The following SYT1 variants were observed in gnomAD, a reference collection of about 807,000 sequenced individuals.
SYT1 encodes synaptotagmin 1, also known as synaptotagmin-1.
A neutral mutation model predicts 44.8 loss-of-function variants in SYT1; 8 were observed. The ratio of observed to expected loss-of-function variants is 0.18; its 90% CI spans 0.10 to 0.32. The LOEUF is 0.32. Among genes scored for constraint, SYT1 ranks in the 10% least tolerant of loss-of-function variants. SYT1 has a pLI of 1.00. For synonymous variants in SYT1, 154 were observed against 188.8 expected, an observed-to-expected ratio of 0.82 and a Z score of 1.51; for missense variants, 286 against 509.3, an observed-to-expected ratio of 0.56 and a Z score of 4.22.
intron 9 of SYT1, among the ~76,000 whole-genome samples, chr12:79,401,954 C>T (rs1264892694): frequency 1.3e-5 from 2 of 152,114 alleles, no homozygotes; most frequent in Non-Finnish European, 2.9e-5. Flanking sequence ...GAGGCATAAG[C>T]CACCAAAACT....
chr12:78,875,983 C>T lies in SYT1; in HGVS notation c.-217+10874C>T, dbSNP rs550452555. 4.6e-5 allele frequency among the ~76,000 whole-genome samples: 7 copies of T among 151,702 alleles called. No individual in the cohort carries two copies. In the East Asian group the frequency reaches 9.7e-4, roughly 21 times the overall value. ...AGAAATTAAATACATGGCCTAACTC[C>T]AGTTTTATTGTTCCTATAAATTTAA... On this transcript the variant is annotated intron_variant, in intron 1 of 10. Coordinates refer to ENST00000261205, the MANE Select transcript of SYT1 (RefSeq NM_005639.3).
At chr12:79,134,237 A>C (rs1869038562) in intron 3 of SYT1, among the ~76,000 whole-genome samples, 1 of 152,234 alleles carries the variant, frequency 6.6e-6, no homozygotes, top group Non-Finnish European at 1.5e-5. Flanking sequence ...AAAAACTAAT[A>C]AATCATTTTC....
chr12:79,093,723 A>G (rs1478115387), intron 3 of SYT1, among the ~76,000 whole-genome samples: 1 of 151,724 alleles, frequency 6.6e-6, no homozygotes, highest in African/African-American at 2.4e-5. Flanking sequence ...CTTCAACAAC[A>G]AAAAATCCTT....
chr12:78,931,177 GAA>G (rs71976749), intron 1 of SYT1, among the ~76,000 whole-genome samples: 5,794 of 79,394 alleles, frequency 0.073, 452 homozygotes, highest in African/African-American at 0.15. Flanking sequence ...AAGAAAGAAA[GAA>G]AAAGAAAGAA....
intron 2 of SYT1, among the ~76,000 whole-genome samples, chr12:79,011,991 G>T (rs1871437942): frequency 6.6e-6 from 1 of 151,918 alleles, no homozygotes; most frequent in Non-Finnish European, 1.5e-5. Flanking sequence ...AATTGGATGG[G>T]CATGGTGGTG....
intron 8 of SYT1, among the ~76,000 whole-genome samples, chr12:79,329,314 C>T (rs1446777198): frequency 1.3e-5 from 2 of 152,160 alleles, no homozygotes; most frequent in African/African-American, 2.4e-5. Context: ...CTAAGAAAAA[C>T]CTGGTAAGAG....
At chr12:79,334,417 T>C (rs952396527) in intron 8 of SYT1, among the ~76,000 whole-genome samples, 11 of 152,178 alleles carry the variant, frequency 7.2e-5, no homozygotes, top group African/African-American at 2.6e-4. Flanking sequence ...GGGAAGGTGT[T>C]ACAGAAATGC....
Position 78,912,011 on chromosome 12 carries a change from C to T in SYT1, c.-217+46902C>T, listed in dbSNP as rs78184788. ...ACATAATTGATGACATCGTGTCTGA[C>T]TTCCAATATTCATGACTTCCCAGGT... On this transcript the variant is annotated intron_variant, in intron 1 of 10. Transcript: ENST00000261205. Among the ~76,000 whole-genome samples, 1,108 of 152,030 alleles carry T rather than the reference C, an allele frequency of 7.3e-3. 19 individuals are homozygous for T. Among genetic ancestry groups the T allele is most frequent in the African/African-American group, 0.025 (1,033 of 41,510 alleles).
chr12:78,991,597 T>C (rs1005781545), intron 2 of SYT1, among the ~76,000 whole-genome samples: 17 of 152,156 alleles, frequency 1.1e-4, no homozygotes, highest in African/African-American at 3.9e-4. Flanking sequence ...AAAAGAAGAA[T>C]AGAATTAAAG....
chr12:78,888,477 T>C (rs1403712933), intron 1 of SYT1, among the ~76,000 whole-genome samples: 1 of 151,988 alleles, frequency 6.6e-6, no homozygotes. Flanking sequence ...AAATTAATCA[T>C]CACCTAAATG....
intron 3 of SYT1, among the ~76,000 whole-genome samples, chr12:79,142,500 C>T (rs1050158127): frequency 6.6e-6 from 1 of 152,138 alleles, no homozygotes; most frequent in Non-Finnish European, 1.5e-5. Flanking sequence ...AAATCAACTT[C>T]CATGTGGACC....
At chr12:79,044,326 C>A (rs914212615) in intron 2 of SYT1, among the ~76,000 whole-genome samples, 1 of 152,138 alleles carries the variant, frequency 6.6e-6, no homozygotes, top group African/African-American at 2.4e-5. Flanking sequence ...TTGCTCATTT[C>A]TTTTTATTCT....
intron 4 of SYT1, among the ~76,000 whole-genome samples, chr12:79,224,272 T>C (rs965225766): frequency 2.0e-5 from 3 of 152,200 alleles, no homozygotes; most frequent in African/African-American, 7.2e-5. Flanking sequence ...AGAACAAATA[T>C]TTAGCACTCA....
intron 3 of SYT1, among the ~76,000 whole-genome samples, chr12:79,083,401 C>G (rs1877169560): frequency 6.6e-6 from 1 of 152,036 alleles, no homozygotes; most frequent in Non-Finnish European, 1.5e-5. Context: ...AGATGAATCC[C>G]CTAGAGTAGC....
chr12:79,003,190 A>G (rs1412542740), intron 2 of SYT1, among the ~76,000 whole-genome samples: 1 of 152,034 alleles, frequency 6.6e-6, no homozygotes, highest in East Asian at 1.9e-4. Flanking sequence ...TTCCCCTTAA[A>G]AATTGTAGTG....
At chr12:79,263,932 T>C (rs903325636) in intron 4 of SYT1, among the ~76,000 whole-genome samples, 1 of 152,054 alleles carries the variant, frequency 6.6e-6, no homozygotes, top group Non-Finnish European at 1.5e-5. Context: ...ATTTGAATTA[T>C]GTACACAGTA....
Position 79,353,827 on chromosome 12 carries a change from A to G in SYT1, c.928+208A>G, listed in dbSNP as rs549276011. Among the ~76,000 whole-genome samples, 23 of 152,266 alleles carry G rather than the reference A, an allele frequency of 1.5e-4. 1 individual carries two copies. In the South Asian group the frequency reaches 2.9e-3, roughly 19 times the overall value. Reference sequence around the variant, plus strand: ...GGAATTAGCATAGAAGATGAAATCTATTTTCCTTCTTTGGAGCCAAAGTAT... The same window carrying G: ...GGAATTAGCATAGAAGATGAAATCTGTTTTCCTTCTTTGGAGCCAAAGTAT... On this transcript the variant is annotated intron_variant, in intron 9 of 10. Transcript: ENST00000261205.
At chr12:79,062,795 T>A (rs1875489397) in intron 3 of SYT1, among the ~76,000 whole-genome samples, 1 of 152,200 alleles carries the variant, frequency 6.6e-6, no homozygotes, top group African/African-American at 2.4e-5. Context: ...AATGTTCTTT[T>A]ATAATCATAA....
intron 3 of SYT1, among the ~76,000 whole-genome samples, chr12:79,192,063 T>G (rs1414016015): frequency 1.3e-5 from 2 of 152,188 alleles, no homozygotes. Flanking sequence ...AGCATTATTC[T>G]TGTGTTAAAA....
Sources: allele counts gnomAD v4.1 joint callset (sites outside exome capture counted in the v4.1 genomes callset), GRCh38; gene constraint gnomAD v4.1.1; transcripts MANE v1.5; gene names NCBI Gene and HGNC (gene_info 2026-07-23, HGNC 2026-07-21).